The following SBNO1 variants were observed in gnomAD, a reference collection of about 807,000 sequenced individuals.
SBNO1 encodes protein strawberry notch homolog 1.
SBNO1 carries 23 observed loss-of-function variants against 173.6 expected under a neutral mutation model. That is an observed-to-expected ratio of 0.13 (90% CI 0.10 to 0.19). SBNO1 has a LOEUF of 0.19. Ranked by LOEUF, SBNO1 falls within the 10% of genes least tolerant of loss-of-function variation. The pLI, the probability that SBNO1 is intolerant of heterozygous loss-of-function variation, is 1.00. For missense variants in SBNO1, 1,238 were observed against 1,671.2 expected, an observed-to-expected ratio of 0.74 and a Z score of 4.52; for synonymous variants, 632 against 571.5, an observed-to-expected ratio of 1.11 and a Z score of -1.51.
chr12:123,309,883 C>T, intron 25 of SBNO1, 27 bp from the exon 26 acceptor site: 2 of 1,532,654 alleles, frequency 1.3e-6, no homozygotes, highest in Non-Finnish European at 1.8e-6. Context: ...TAAACGTTTT[C>T]ATGCAAATGA....
intron 24 of SBNO1, among the ~76,000 whole-genome samples, chr12:123,311,771 C>T (rs781298395): frequency 1.6e-4 from 24 of 145,568 alleles, no homozygotes; most frequent in Non-Finnish European, 2.8e-4. Flanking sequence ...AGTCTGACTA[C>T]GTTGCCCAGG....
At chr12:123,346,034 C>T (rs142402318) in intron 3 of SBNO1, among the ~76,000 whole-genome samples, 12 of 152,232 alleles carry the variant, frequency 7.9e-5, no homozygotes, top group Admixed American at 7.2e-4. Flanking sequence ...ACAACTTTGA[C>T]GAAAAGAAGG....
intron 20 of SBNO1, 119 bp downstream of exon 20, chr12:123,319,781 A>G (rs1869741450): frequency 1.2e-6 from 1 of 838,490 alleles, no homozygotes; most frequent in East Asian, 2.5e-5. Flanking sequence ...ACTAAAAAAT[A>G]CAGAATGACA....
chr12:123,323,515 C>A (rs932577546), intron 16 of SBNO1, among the ~76,000 whole-genome samples, 165 bp downstream of exon 16: 1 of 151,938 alleles, frequency 6.6e-6, no homozygotes, highest in South Asian at 2.1e-4. Context: ...CCACGATGCC[C>A]GGCTAATTTT....
intron 30 of SBNO1, among the ~76,000 whole-genome samples, chr12:123,300,304 T>C (rs1172562885): frequency 6.6e-6 from 1 of 152,168 alleles, no homozygotes; most frequent in Admixed American, 6.5e-5. Context: ...CAAGCAATCC[T>C]CTCATCTTGA....
intron 25 of SBNO1, among the ~76,000 whole-genome samples, chr12:123,310,247 T>C (rs920063757): frequency 6.6e-6 from 1 of 152,230 alleles, no homozygotes; most frequent in Admixed American, 6.5e-5. Context: ...GTTTTGTTTC[T>C]TGAGACGGAG....
intron 4 of SBNO1, among the ~76,000 whole-genome samples, chr12:123,343,474 A>G (rs952361679): frequency 2.0e-5 from 3 of 151,944 alleles, no homozygotes; most frequent in Non-Finnish European, 2.9e-5. Context: ...TTTCCCCTTC[A>G]GTAAAAAGAG....
chr12:123,326,134 A>G lies in SBNO1; in HGVS notation c.1875+18T>C, dbSNP rs1332570469. 1.9e-6 allele frequency: 3 copies of G among 1,564,638 alleles called. No individual in the cohort carries two copies. Among genetic ancestry groups the G allele is most frequent in the South Asian group, 1.2e-5 (1 of 84,780 alleles). On this transcript the variant is annotated intron_variant, in intron 14 of 31. Transcript: ENST00000602398. ...AACATAACCCCCAAACAATCTCTTA[A>G]TGAGTTCTTCTACTTACTTTTCCAT...
chr12:123,356,965 T>C (rs1168408315), intron 1 of SBNO1, among the ~76,000 whole-genome samples: 2 of 152,234 alleles, frequency 1.3e-5, no homozygotes, highest in Non-Finnish European at 2.9e-5. Context: ...CAGCTTTATC[T>C]GTGCTTTTAT....
rs2139004359 is a variant in SBNO1, at chr12:123,331,506, T to A, written c.910-131A>T. ...TATATGTATTTTGTGACTTTATTTT[T>A]ACATAAATTTCATAGAGTTTTGGAT... On this transcript the variant is annotated intron_variant, in intron 7 of 31. Coordinates refer to ENST00000602398, the MANE Select transcript of SBNO1 (RefSeq NM_001167856.3). The A allele has an allele frequency of 4.7e-6, 4 of 858,158 alleles. No homozygotes were observed. The South Asian group carries it at 8.0e-5, about 17-fold the overall frequency. The allele number at this position is 858,158 out of a possible 1,614,324, so 53.2% of individuals were successfully genotyped here. A position where few individuals can be genotyped will look rare whatever the true frequency, so the allele number is the denominator to read the frequency against.
Position 123,293,346 on chromosome 12 carries a change from G to C in SBNO1, c.*2562C>G, listed in dbSNP as rs1470238692. ...CCCGAAGTGCTGGGATTATAGGAGTGAGCCACCACGCCCGGCTACGAGTTG... is the reference window on the plus strand; with the variant it reads ...CCCGAAGTGCTGGGATTATAGGAGTCAGCCACCACGCCCGGCTACGAGTTG... On this transcript the variant is annotated 3_prime_UTR_variant, in exon 32 of 32. Coordinates refer to ENST00000602398, the MANE Select transcript of SBNO1 (RefSeq NM_001167856.3). 6.6e-6 allele frequency: 1 copy of C among 152,166 alleles called. No homozygotes were observed. Among genetic ancestry groups the C allele is most frequent in the East Asian group, 1.9e-4 (1 of 5,192 alleles). 9.4% of individuals were successfully genotyped at this position (152,166 alleles called of 1,614,324 possible).
chr12:123,333,808 T>C (rs1871521919), intron 7 of SBNO1, among the ~76,000 whole-genome samples: 1 of 152,180 alleles, frequency 6.6e-6, no homozygotes, highest in African/African-American at 2.4e-5. Flanking sequence ...GATATACATA[T>C]TTTTAATTTT....
chr12:123,361,009 G>A (rs551141648), intron 1 of SBNO1, among the ~76,000 whole-genome samples: 1 of 152,240 alleles, frequency 6.6e-6, no homozygotes, highest in South Asian at 2.1e-4. Context: ...ACTTTGGAAG[G>A]CCGAGGCAGG....
At chr12:123,307,006 G>A (rs1386061194) in intron 28 of SBNO1, among the ~76,000 whole-genome samples, 1 of 111,518 alleles carries the variant, frequency 9.0e-6, no homozygotes, top group African/African-American at 3.3e-5. Flanking sequence ...AACACAGTGA[G>A]ACATCAACTG....
At chr12:123,323,375 G>A (rs1038277536) in intron 16 of SBNO1, among the ~76,000 whole-genome samples, 1 of 151,934 alleles carries the variant, frequency 6.6e-6, no homozygotes, top group Admixed American at 6.5e-5. Context: ...TCTTTTTTGA[G>A]ACAGAGTCTC....
chr12:123,325,799 C>T (rs947838348), intron 14 of SBNO1, among the ~76,000 whole-genome samples, 200 bp from the exon 15 acceptor site: 2 of 152,132 alleles, frequency 1.3e-5, no homozygotes, highest in Non-Finnish European at 2.9e-5. Context: ...GATAGGATTA[C>T]AGACAGTAGT....
intron 1 of SBNO1, among the ~76,000 whole-genome samples, chr12:123,355,396 A>C (rs1874341011): frequency 6.6e-6 from 1 of 152,146 alleles, no homozygotes; most frequent in Non-Finnish European, 1.5e-5. Flanking sequence ...CCCTGAGGTC[A>C]CAAGTTTGAG....
intron 10 of SBNO1, among the ~76,000 whole-genome samples, 153 bp downstream of exon 10, chr12:123,328,581 A>C (rs929263679): frequency 2.6e-5 from 4 of 152,196 alleles, no homozygotes; most frequent in African/African-American, 9.7e-5. Context: ...TAAAAAACCG[A>C]ATCAACTTTC....
intron 31 of SBNO1, among the ~76,000 whole-genome samples, chr12:123,297,329 C>CAAAAAA (rs11427958): frequency 3.1e-5 from 1 of 32,046 alleles, no homozygotes; most frequent in Non-Finnish European, 6.3e-5. Flanking sequence ...GACTCAGTCT[C>CAAAAAA]AAAAAAAAAA....
Sources: allele counts gnomAD v4.1 joint callset (sites outside exome capture counted in the v4.1 genomes callset), GRCh38; gene constraint gnomAD v4.1.1; transcripts MANE v1.5; gene names NCBI Gene and HGNC (gene_info 2026-07-23, HGNC 2026-07-21).